Variants in EBF1 observed in about 807,000 individuals in gnomAD.
EBF1 encodes EBF transcription factor 1.
A neutral mutation model predicts 68.4 loss-of-function variants in EBF1; 10 were observed. That is an observed-to-expected ratio of 0.15 (90% CI 0.09 to 0.25). The LOEUF is 0.25. Ranked by LOEUF, EBF1 falls within the 10% of genes least tolerant of loss-of-function variation. EBF1 has a pLI of 1.00. For missense variants in EBF1, 509 were observed against 794.4 expected (o/e 0.64, Z 4.32); for synonymous variants, 298 against 299.8 (o/e 0.99, Z 0.06).
At chr5:158,753,430 A>G (rs966465225) in intron 10 of EBF1, among the ~76,000 whole-genome samples, 3 of 152,152 alleles carry the variant, frequency 2.0e-5, no homozygotes, top group Non-Finnish European at 4.4e-5. Flanking sequence ...AAGAAATTCT[A>G]GCCCTCTGAT....
intron 6 of EBF1, among the ~76,000 whole-genome samples, chr5:158,840,642 CCTG>C (rs1453616325): frequency 7.4e-6 from 1 of 134,668 alleles, no homozygotes; most frequent in African/African-American, 2.7e-5. Context: ...TCAAATACCT[CCTG>C]TTTTTTTTTT....
intron 14 of EBF1, among the ~76,000 whole-genome samples, chr5:158,710,502 TAAATC>T (rs1197689896): frequency 1.3e-5 from 2 of 152,232 alleles, no homozygotes; most frequent in African/African-American, 4.8e-5. Flanking sequence ...AATCTTTTGA[TAAATC>T]AAAATCTAAT....
intron 11 of EBF1, among the ~76,000 whole-genome samples, chr5:158,719,064 G>A (rs1761378522): frequency 6.6e-6 from 1 of 152,170 alleles, no homozygotes; most frequent in South Asian, 2.1e-4. Context: ...TTTGTATGAT[G>A]AAATGACAAA....
chr5:158,928,428 GGAT>G (rs1294065073), intron 6 of EBF1, among the ~76,000 whole-genome samples: 21 of 152,106 alleles, frequency 1.4e-4, no homozygotes, highest in African/African-American at 4.6e-4. Flanking sequence ...GCCCACATCT[GGAT>G]GATAAAATGT....
intron 6 of EBF1, among the ~76,000 whole-genome samples, chr5:158,865,412 A>G (rs1263600732): frequency 6.6e-6 from 1 of 152,216 alleles, no homozygotes; most frequent in East Asian, 1.9e-4. Context: ...CTGTAAAATG[A>G]GAACTATAGT....
At chr5:159,031,021 A>G (rs532134547) in intron 6 of EBF1, among the ~76,000 whole-genome samples, 1 of 152,170 alleles carries the variant, frequency 6.6e-6, no homozygotes, top group African/African-American at 2.4e-5. Flanking sequence ...AAAAATACAA[A>G]AAGTTAGCCA....
chr5:159,079,223 G>A (rs542890295), intron 5 of EBF1, among the ~76,000 whole-genome samples: 5 of 152,210 alleles, frequency 3.3e-5, no homozygotes, highest in South Asian at 2.1e-4. Context: ...TCACAGGTCC[G>A]TCTCATTCTG....
At chr5:158,961,561 A>G (rs745514270) in intron 6 of EBF1, among the ~76,000 whole-genome samples, 3 of 152,190 alleles carry the variant, frequency 2.0e-5, no homozygotes, top group Non-Finnish European at 4.4e-5. Context: ...GTAAATACAC[A>G]GTTCTGATAT....
At chr5:158,764,233 G>C (rs144148499) in intron 10 of EBF1, among the ~76,000 whole-genome samples, 61 of 152,298 alleles carry the variant, frequency 4.0e-4, no homozygotes, top group African/African-American at 1.4e-3. Context: ...AACTAGGTGA[G>C]CCTAAGGAAA....
intron 6 of EBF1, among the ~76,000 whole-genome samples, chr5:159,049,947 C>T (rs1478989219): frequency 6.6e-6 from 1 of 152,146 alleles, no homozygotes; most frequent in Admixed American, 6.5e-5. Context: ...GGTCCTAACG[C>T]TTTCTCTTTC....
Position 158,872,201 on chromosome 5 carries a change from C to CT in EBF1, c.555-32092dup, listed in dbSNP as rs70987939. On this transcript the variant is annotated intron_variant, in intron 6 of 15. Coordinates refer to ENST00000313708, the MANE Select transcript of EBF1 (RefSeq NM_024007.5). ...TAGAAAACTTTTGGTCTTTTCTTTT[C>CT]TTTTTTTTTTTTTGAGATGGAGCCT... Among the ~76,000 whole-genome samples the CT allele has an allele frequency of 7.5e-3, 1,093 of 145,076 alleles. 9 individuals carry two copies. The highest frequency in any genetic ancestry group is 0.019 in the African/African-American group (738 of 39,772).
At chr5:158,832,239 T>A (rs915547365) in intron 7 of EBF1, among the ~76,000 whole-genome samples, 1 of 152,220 alleles carries the variant, frequency 6.6e-6, no homozygotes, top group African/African-American at 2.4e-5. Flanking sequence ...GTTCTCTAAG[T>A]GCAGGGCGAC....
intron 11 of EBF1, among the ~76,000 whole-genome samples, chr5:158,730,817 G>C (rs1763944427): frequency 6.6e-6 from 1 of 152,146 alleles, no homozygotes; most frequent in Non-Finnish European, 1.5e-5. Context: ...TTCTAAAATA[G>C]GAATGGTAAT....
intron 6 of EBF1, among the ~76,000 whole-genome samples, chr5:158,915,209 C>T (rs951763221): frequency 2.0e-5 from 3 of 152,122 alleles, no homozygotes; most frequent in Non-Finnish European, 4.4e-5. Context: ...AAAGGGACAG[C>T]CTCGGAGGGC....
At chr5:158,874,059 A>C (rs1270299293) in intron 6 of EBF1, among the ~76,000 whole-genome samples, 1 of 152,202 alleles carries the variant, frequency 6.6e-6, no homozygotes. Context: ...ATTTGTATAG[A>C]GTTGGAAGTT....
intron 3 of EBF1, chr5:159,096,138 A>T (rs1782565607): frequency 1.7e-6 from 1 of 601,504 alleles, no homozygotes; most frequent in African/African-American, 1.9e-5. Flanking sequence ...GGCCCCAGGT[A>T]AACGCGAGAC....
intron 10 of EBF1, among the ~76,000 whole-genome samples, chr5:158,766,212 G>A (rs999351744): frequency 3.3e-5 from 5 of 151,928 alleles, no homozygotes; most frequent in Admixed American, 1.3e-4. Context: ...TTTAAATATC[G>A]GTTTTTAAAA....
chr5:159,098,134 A>G (rs1782987975), intron 1 of EBF1, among the ~76,000 whole-genome samples: 1 of 151,940 alleles, frequency 6.6e-6, no homozygotes, highest in Non-Finnish European at 1.5e-5. Flanking sequence ...CCCCTTCCGC[A>G]CTCTGAGTCC....
chr5:158,975,096 G>A (rs1756463342), intron 6 of EBF1, among the ~76,000 whole-genome samples: 1 of 152,154 alleles, frequency 6.6e-6, no homozygotes, highest in Non-Finnish European at 1.5e-5. Context: ...AAGAACCTTG[G>A]TAGAGAAAGT....
Sources: gnomAD v4.1 joint callset for allele counts (sites outside exome capture counted in the v4.1 genomes callset) on GRCh38, gnomAD v4.1.1 for gene constraint, MANE v1.5 for transcripts, NCBI Gene and HGNC (gene_info 2026-07-23, HGNC 2026-07-21) for gene names.